CAV3: variants seen among roughly 807,000 people sequenced by gnomAD.
CAV3 encodes caveolin 3.
In CAV3, 10 loss-of-function variants were observed where a neutral mutation model predicts 13.4. The ratio of observed to expected loss-of-function variants is 0.75; its 90% CI spans 0.46 to 1.27. CAV3 has a LOEUF of 1.27. Ranked by LOEUF, CAV3 falls within the 50% of genes most tolerant of loss-of-function variation. The pLI, the probability that CAV3 is intolerant of heterozygous loss-of-function variation, is 0.00. For synonymous variants in CAV3, 90 were observed against 79.0 expected (o/e 1.14, Z -0.74); for missense variants, 162 against 194.0 (o/e 0.83, Z 0.98).
chr3:8,740,417 T>C lies in CAV3; in HGVS notation c.115-5109T>C, dbSNP rs556671048. On this transcript the variant is annotated intron_variant, in intron 1 of 1. Coordinates refer to ENST00000343849, the MANE Select transcript of CAV3 (RefSeq NM_033337.3). ...CCCAGAGCTCCACCCAGGGTACTTC[T>C]ATTCCTCCCTATTCCAATATGCACC... 1.2e-4 allele frequency among the ~76,000 whole-genome samples: 19 copies of C among 152,174 alleles called. No individual in the cohort carries two copies. The East Asian group carries it at 2.7e-3, about 22-fold the overall frequency.
In CAV3 at chr3:8,734,043, G is replaced by A. The variant is rs1345533264; in HGVS notation, c.114+53G>A. 28 of 994,714 alleles carry A rather than the reference G, an allele frequency of 2.8e-5. No individual in the cohort carries two copies. The Middle Eastern group carries it at 6.1e-4, about 22-fold the overall frequency. The allele number at this position is 994,714 out of a possible 1,614,324, so 61.6% of individuals were successfully genotyped here. ...GCGGAGAGTGTCAGGTTTGCGAGAC[G>A]TGGGCGCTTGGCAGGGGAGGGTATC... On this transcript the variant is annotated intron_variant, in intron 1 of 1. Transcript: ENST00000343849.
chr3:8,743,415 T>C (rs1465719949), intron 1 of CAV3, among the ~76,000 whole-genome samples: 1 of 152,118 alleles, frequency 6.6e-6, no homozygotes, highest in Non-Finnish European at 1.5e-5. Flanking sequence ...CACCACCTCC[T>C]GGAAGCCCTC....
At chr3:8,734,042 C>A in intron 1 of CAV3, 52 bp downstream of exon 1, 2 of 1,015,266 alleles carry the variant, frequency 2.0e-6, no homozygotes, top group Non-Finnish European at 3.1e-6. Context: ...GTTTGCGAGA[C>A]GTGGGCGCTT....
At chr3:8,739,666 C>G (rs1707887935) in intron 1 of CAV3, among the ~76,000 whole-genome samples, 1 of 151,778 alleles carries the variant, frequency 6.6e-6, no homozygotes, top group Non-Finnish European at 1.5e-5. Context: ...GTCAGCTTGT[C>G]AGCAACCAAG....
chr3:8,744,866 G>C (rs1559653198), intron 1 of CAV3: 1 of 152,798 alleles, frequency 6.5e-6, no homozygotes, highest in East Asian at 1.9e-4. Flanking sequence ...GGGGTTGAAC[G>C]AGCGTGTTGT....
rs924154474 is a variant in CAV3 at position 8,745,139 on chromosome 3, T to C, written c.115-387T>C. The C allele has an allele frequency of 4.6e-5, 11 of 239,054 alleles. No individual in the cohort carries two copies. The highest frequency in any genetic ancestry group is 2.0e-4 in the African/African-American group (9 of 44,538). 14.8% of individuals were successfully genotyped at this position (239,054 alleles called of 1,614,324 possible). On this transcript the variant is annotated intron_variant, in intron 1 of 1. Coordinates refer to ENST00000343849, the MANE Select transcript of CAV3 (RefSeq NM_033337.3). The surrounding 1 kb of genome is among the most constrained non-coding windows in gnomAD (Gnocchi z 4.8). ...CCTCACAATAGTGGGAGAGTTCTCATAAGATCTGGTTGTTGTAAAGTGTGG... is the reference window on the plus strand; with the variant it reads ...CCTCACAATAGTGGGAGAGTTCTCACAAGATCTGGTTGTTGTAAAGTGTGG...
chr3:8,745,397 T>C lies in CAV3; in HGVS notation c.115-129T>C. On this transcript the variant is annotated intron_variant, in intron 1 of 1. Coordinates refer to ENST00000343849, the MANE Select transcript of CAV3 (RefSeq NM_033337.3). The surrounding 1 kb of genome is among the most constrained non-coding windows in gnomAD (Gnocchi z 4.8). ...TTAAAGCAATGCAAGAATAGCCTAATACAGGTAGGGTCCAGCCACCAAGGT... is the reference window on the plus strand; with the variant it reads ...TTAAAGCAATGCAAGAATAGCCTAACACAGGTAGGGTCCAGCCACCAAGGT... 1 of 712,118 alleles carries C rather than the reference T, an allele frequency of 1.4e-6. No individual in the cohort carries two copies. The highest frequency in any genetic ancestry group is 2.5e-6 in the Non-Finnish European group (1 of 395,200). 44.1% of individuals were successfully genotyped at this position (712,118 alleles called of 1,614,324 possible).
intron 1 of CAV3, among the ~76,000 whole-genome samples, chr3:8,739,408 T>A (rs1707869787): frequency 6.7e-6 from 1 of 150,054 alleles, no homozygotes; most frequent in Non-Finnish European, 1.5e-5. Flanking sequence ...AGGTCAGGAG[T>A]TCAAAACCTG....
chr3:8,742,121 C>T (rs1707983908), intron 1 of CAV3, among the ~76,000 whole-genome samples: 1 of 152,112 alleles, frequency 6.6e-6, no homozygotes, highest in Non-Finnish European at 1.5e-5. Context: ...GTACAGCTGC[C>T]TAGAGCTGCC....
At chr3:8,744,445 ATTT>A (rs141816229) in intron 1 of CAV3, among the ~76,000 whole-genome samples, 8,207 of 111,306 alleles carry the variant, frequency 0.074, 154 homozygotes, top group Non-Finnish European at 0.087. Context: ...TACCCGGCTA[ATTT>A]TTTTTTTTTT....
intron 1 of CAV3, among the ~76,000 whole-genome samples, chr3:8,743,442 C>T (rs1708044254): frequency 6.6e-6 from 1 of 152,186 alleles, no homozygotes; most frequent in Non-Finnish European, 1.5e-5. Flanking sequence ...GAAGTAACAT[C>T]CTTCCTGAGA....
At chr3:8,736,894 A>G (rs937509435) in intron 1 of CAV3, among the ~76,000 whole-genome samples, 2 of 152,228 alleles carry the variant, frequency 1.3e-5, no homozygotes, top group African/African-American at 4.8e-5. Flanking sequence ...AAATGAAAAA[A>G]GTTAATGCAG....
intron 1 of CAV3, among the ~76,000 whole-genome samples, chr3:8,734,195 G>A (rs1266386830): frequency 1.4e-5 from 2 of 144,066 alleles, no homozygotes; most frequent in African/African-American, 5.2e-5. Context: ...AAAATCAAGA[G>A]CAAAAAATTA....
chr3:8,734,709 T>C (rs930141633), intron 1 of CAV3, among the ~76,000 whole-genome samples: 1 of 152,154 alleles, frequency 6.6e-6, no homozygotes, highest in Non-Finnish European at 1.5e-5. Context: ...TTCCAGCCAG[T>C]ACCCAGAGGG....
At chr3:8,739,345 G>A (rs1390489138) in intron 1 of CAV3, among the ~76,000 whole-genome samples, 1 of 152,018 alleles carries the variant, frequency 6.6e-6, no homozygotes, top group Non-Finnish European at 1.5e-5. Context: ...AGGCACGGTG[G>A]CTCACACCTG....
rs1708134992 is a variant in CAV3 at position 8,745,652 on chromosome 3, G to A, written c.241G>A (p.Gly81Ser). 1 of 1,614,096 alleles carries A rather than the reference G, an allele frequency of 6.2e-7. No homozygotes were observed. The highest frequency in any genetic ancestry group is 8.5e-7 in the Non-Finnish European group (1 of 1,179,992). The change falls in exon 2 of 2, where the codon GGC becomes AGC. Residue 81 changes from glycine (G) to serine (S), a missense_variant. Coordinates refer to ENST00000343849, the MANE Select transcript of CAV3 (RefSeq NM_033337.3). This position sits in a 1 kb window ranked among gnomAD's most constrained non-coding sequence, Gnocchi z 4.8. ...WCYRLLSTLLGVPLALLWGFL... is the reference protein window; with the variant it reads ...WCYRLLSTLLSVPLALLWGFL... The stretch of plus-strand genomic sequence containing the variant: ...CTACCGTCTGTTGTCCACGCTGCTG[G>A]GCGTCCCACTGGCCCTGCTCTGGGG...
Position 8,745,903 on chromosome 3 carries a change from G to A in CAV3, c.*36G>A, listed in dbSNP as rs377314109. On this transcript the variant is annotated 3_prime_UTR_variant, in exon 2 of 2. Transcript: ENST00000343849. This position sits in a 1 kb window ranked among gnomAD's most constrained non-coding sequence, Gnocchi z 4.8. ...GGCAACAGCGGTGGCAGGGCAGGGG[G>A]TGGTGGGCCAGACTGGTCCCCGGGG... 9.2e-5 allele frequency: 144 copies of A among 1,571,948 alleles called. No homozygotes were observed. In the African/African-American group the frequency reaches 1.8e-3, roughly 20 times the overall value.
At chr3:8,737,917 C>T (rs1271955811) in intron 1 of CAV3, among the ~76,000 whole-genome samples, 2 of 152,094 alleles carry the variant, frequency 1.3e-5, no homozygotes, top group Non-Finnish European at 2.9e-5. Context: ...CAGAGCCACC[C>T]CACAGTGCCT....
chr3:8,741,861 C>T (rs1707971663), intron 1 of CAV3, among the ~76,000 whole-genome samples: 1 of 152,274 alleles, frequency 6.6e-6, no homozygotes, highest in South Asian at 2.1e-4. Context: ...ACTGCGCTGG[C>T]TGGTTTCAAT....
Sources: allele counts gnomAD v4.1 joint callset (sites outside exome capture counted in the v4.1 genomes callset), GRCh38; gene constraint gnomAD v4.1.1; non-coding constraint Gnocchi (gnomAD v3.1); transcripts MANE v1.5; gene names NCBI Gene and HGNC (gene_info 2026-07-23, HGNC 2026-07-21).